Variants in LRRC43 observed in about 807,000 individuals in gnomAD.
The protein encoded by LRRC43 is leucine rich repeat containing 43.
LRRC43 carries 62 observed loss-of-function variants against 64.3 expected under a neutral mutation model. The ratio of observed to expected loss-of-function variants is 0.96; its 90% CI spans 0.79 to 1.19. LRRC43 has a LOEUF of 1.19. Ranked by LOEUF, LRRC43 falls within the 50% of genes most tolerant of loss-of-function variation. LRRC43 has a pLI of 0.00. For missense variants in LRRC43, 868 were observed against 845.0 expected, an observed-to-expected ratio of 1.03 and a Z score of -0.34; for synonymous variants, 422 against 382.3, an observed-to-expected ratio of 1.10 and a Z score of -1.21.
intron 3 of LRRC43, 82 bp downstream of exon 3, chr12:122,186,382 C>G: frequency 2.3e-6 from 2 of 865,698 alleles, no homozygotes; most frequent in Non-Finnish European, 3.7e-6. Flanking sequence ...CATAGTGTGG[C>G]CAGCATGGGT....
At chr12:122,173,284 C>G (rs1367870715) in intron 1 of LRRC43, among the ~76,000 whole-genome samples, 1 of 152,244 alleles carries the variant, frequency 6.6e-6, no homozygotes, top group Non-Finnish European at 1.5e-5. Context: ...GTAACAACCT[C>G]TGCCTTTTAT....
intron 1 of LRRC43, chr12:122,174,253 G>A (rs1953517895): frequency 1.3e-6 from 2 of 1,532,372 alleles, no homozygotes; most frequent in Non-Finnish European, 1.8e-6. Flanking sequence ...GGTATATAAA[G>A]GGCCAGGGTG....
At chr12:122,172,454 T>C in intron 1 of LRRC43, 1 of 1,614,162 alleles carries the variant, frequency 6.2e-7, no homozygotes. Flanking sequence ...ATGATTTTAG[T>C]GCGAGGTCCA....
chr12:122,193,247 G>A (rs143088145), intron 7 of LRRC43, among the ~76,000 whole-genome samples: 2,276 of 151,986 alleles, frequency 0.015, 47 homozygotes, highest in African/African-American at 0.05. Context: ...CAGGCGTGGT[G>A]GCAGGCGCCT....
At chr12:122,192,638 CG>C (rs1181998014) in intron 6 of LRRC43, 106 bp from the exon 7 acceptor site, 3 of 1,327,930 alleles carry the variant, frequency 2.3e-6, no homozygotes, top group Non-Finnish European at 3.2e-6. Flanking sequence ...TCTGCTCATG[CG>C]TGAACCTCAT....
At chr12:122,188,649 C>T (rs761548847) in intron 4 of LRRC43, among the ~76,000 whole-genome samples, 5 of 151,828 alleles carry the variant, frequency 3.3e-5, no homozygotes, top group Non-Finnish European at 5.9e-5. Flanking sequence ...CCATGTTGGC[C>T]AGGATGGTCT....
upstream of LRRC43, among the ~76,000 whole-genome samples, chr12:122,178,817 C>G (rs1010283669): frequency 6.6e-6 from 1 of 151,874 alleles, no homozygotes; most frequent in African/African-American, 2.4e-5. Flanking sequence ...TCATGTTGGC[C>G]AGGCTGGTCT....
chr12:122,182,909 G>A (rs1356156243), upstream of LRRC43: 6 of 567,302 alleles, frequency 1.1e-5, no homozygotes, highest in African/African-American at 1.2e-4. Context: ...GTGCTTGACA[G>A]GAGCTAAGAA....
At chr12:122,178,520 A>G (rs547421623), upstream of LRRC43, among the ~76,000 whole-genome samples, 4 of 149,222 alleles carry the variant, frequency 2.7e-5, no homozygotes, top group South Asian at 8.9e-4. Context: ...GATAGTGGAG[A>G]TGAAGAGGTG....
intron 1 of LRRC43, among the ~76,000 whole-genome samples, chr12:122,168,730 A>C (rs1198354537): frequency 6.6e-6 from 1 of 152,200 alleles, no homozygotes; most frequent in Non-Finnish European, 1.5e-5. Flanking sequence ...CACTCATACA[A>C]TATTAATCAC....
chr12:122,172,531 C>T lies in LRRC43; in HGVS notation c.-406+4749C>T, dbSNP rs146321449. The T allele has an allele frequency of 9.2e-5, 149 of 1,614,066 alleles. No individual in the cohort carries two copies. The highest frequency in any genetic ancestry group is 1.2e-4 in the Non-Finnish European group (143 of 1,180,024). On this transcript the variant is annotated intron_variant, in intron 1 of 5. Coordinates refer to the LRRC43 transcript ENST00000537729. ...TTACATTCATGGGTGTCTGTTGGCA[C>T]AGAAATGTTTGTTTCTGGTGCATCT... is the stretch of plus-strand genomic sequence containing the variant.
chr12:122,202,825 T>C lies in LRRC43; in HGVS notation c.1844-490T>C, dbSNP rs114198112. On this transcript the variant is annotated intron_variant, in intron 11 of 11. Coordinates refer to ENST00000339777, the MANE Select transcript of LRRC43 (RefSeq NM_001098519.2). ...AAATATCTGCAGCTGGGCTCGGTAG[T>C]GTACGCCTGTGATCCTAGCACGTTG... is the stretch of plus-strand genomic sequence containing the variant. Among the ~76,000 whole-genome samples the C allele has an allele frequency of 9.1e-3, 1,385 of 152,274 alleles. 27 individuals are homozygous for C. The highest frequency in any genetic ancestry group is 0.032 in the African/African-American group (1,314 of 41,550).
intron 7 of LRRC43, among the ~76,000 whole-genome samples, chr12:122,193,633 C>T (rs1953746000): frequency 6.6e-6 from 1 of 152,132 alleles, no homozygotes; most frequent in Non-Finnish European, 1.5e-5. Context: ...GGTGCGATCT[C>T]AGCTTACTGC....
intron 11 of LRRC43, among the ~76,000 whole-genome samples, 191 bp downstream of exon 11, chr12:122,201,520 G>A (rs1953838735): frequency 1.3e-5 from 2 of 152,188 alleles, no homozygotes; most frequent in African/African-American, 4.8e-5. Context: ...GCCTGTGTGG[G>A]TGGTGACCAG....
intron 7 of LRRC43, among the ~76,000 whole-genome samples, chr12:122,198,426 G>A (rs967946812): frequency 2.0e-5 from 3 of 152,090 alleles, no homozygotes; most frequent in South Asian, 2.1e-4. Context: ...CCCATTAGGC[G>A]TCACCTTCGA....
intron 1 of LRRC43, chr12:122,174,032 C>T: frequency 1.9e-6 from 3 of 1,613,350 alleles, no homozygotes; most frequent in Non-Finnish European, 2.5e-6. Flanking sequence ...ACATCACACA[C>T]CCCTGCCCAC....
chr12:122,174,154 T>TA, intron 1 of LRRC43: 1 of 1,614,134 alleles, frequency 6.2e-7, no homozygotes, highest in Non-Finnish European at 8.5e-7. Context: ...GGACCAGTGA[T>TA]ACCTGAGTGA....
chr12:122,187,083 T>G (rs1437575521), intron 3 of LRRC43, among the ~76,000 whole-genome samples: 1 of 150,950 alleles, frequency 6.6e-6, no homozygotes, highest in Non-Finnish European at 1.5e-5. Flanking sequence ...ATACAAAAAT[T>G]AGCCAGGCGT....
chr12:122,201,071 C>T (rs1209015992), intron 10 of LRRC43, 137 bp downstream of exon 10: 5 of 1,185,978 alleles, frequency 4.2e-6, no homozygotes, highest in Non-Finnish European at 5.9e-6. Context: ...CTGGGGCATG[C>T]AGCTGGGCTG....
Sources: allele counts gnomAD v4.1 joint callset (sites outside exome capture counted in the v4.1 genomes callset), GRCh38; gene constraint gnomAD v4.1.1; transcripts MANE v1.5; gene names NCBI Gene and HGNC (gene_info 2026-07-23, HGNC 2026-07-21).